SORCS2: variants seen among roughly 807,000 people sequenced by gnomAD.
The protein encoded by SORCS2 is VPS10 domain-containing receptor SorCS2.
Under a neutral mutation model 141.6 loss-of-function variants are expected in SORCS2, and 100 were observed. That is an observed-to-expected ratio of 0.71 (90% CI 0.60 to 0.83). The LOEUF (loss-of-function observed/expected upper bound fraction) is 0.83, where lower values mean the gene tolerates loss of function less well. Ranked by LOEUF, SORCS2 falls within the 40% of genes least tolerant of loss-of-function variation. The pLI is 0.00. For synonymous variants in SORCS2, 789 were observed against 676.9 expected (o/e 1.17, Z -2.57); for missense variants, 1,646 against 1,560.2 (o/e 1.05, Z -0.93).
intron 3 of SORCS2, among the ~76,000 whole-genome samples, chr4:7,569,086 C>T (rs1458056629): frequency 6.6e-6 from 1 of 152,222 alleles, no homozygotes; most frequent in African/African-American, 2.4e-5. Context: ...GCTCTGGAAG[C>T]TGCTTCCATT....
chr4:7,257,353 A>G (rs1159139638), intron 1 of SORCS2, among the ~76,000 whole-genome samples: 2 of 59,650 alleles, frequency 3.4e-5, no homozygotes, highest in African/African-American at 1.4e-4. Context: ...GTGTGAGGGC[A>G]GGGAGACCCA....
chr4:7,343,504 G>C (rs536938691), intron 1 of SORCS2, among the ~76,000 whole-genome samples: 6 of 152,332 alleles, frequency 3.9e-5, no homozygotes, highest in Non-Finnish European at 7.3e-5. Flanking sequence ...GCTTTGATGA[G>C]TGGATCTCCC....
intron 1 of SORCS2, among the ~76,000 whole-genome samples, chr4:7,245,351 G>A (rs918846798): frequency 6.6e-6 from 1 of 152,250 alleles, no homozygotes; most frequent in Non-Finnish European, 1.5e-5. Context: ...GCTGCACACC[G>A]GAGGTGGCCT....
chr4:7,234,144 G>T (rs1340572335), intron 1 of SORCS2, among the ~76,000 whole-genome samples: 1 of 152,182 alleles, frequency 6.6e-6, no homozygotes, highest in Non-Finnish European at 1.5e-5. Context: ...TGGGATTTGG[G>T]CTGTCATCAC....
chr4:7,431,103 C>A (rs1237525090), intron 2 of SORCS2: 1 of 152,356 alleles, frequency 6.6e-6, no homozygotes, highest in Non-Finnish European at 1.5e-5. Context: ...TCAGAGGGCC[C>A]CTATGGGGGT....
chr4:7,447,316 C>A (rs937519048), intron 2 of SORCS2, among the ~76,000 whole-genome samples: 2 of 152,142 alleles, frequency 1.3e-5, no homozygotes, highest in African/African-American at 4.8e-5. Flanking sequence ...CTTCTGCCTC[C>A]GTGCCTTGCC....
At chr4:7,570,742 C>T (rs1392938346) in intron 3 of SORCS2, among the ~76,000 whole-genome samples, 2 of 152,168 alleles carry the variant, frequency 1.3e-5, no homozygotes, top group African/African-American at 4.8e-5. Flanking sequence ...CAAGCCTTTT[C>T]ATCTCCAGGA....
chr4:7,387,846 GCA>G (rs1211784178), intron 1 of SORCS2, among the ~76,000 whole-genome samples: 2 of 137,046 alleles, frequency 1.5e-5, no homozygotes, highest in Non-Finnish European at 3.2e-5. Context: ...ACATACACAT[GCA>G]CACACATACA....
intron 4 of SORCS2, among the ~76,000 whole-genome samples, chr4:7,644,534 T>G (rs1720945280): frequency 6.6e-6 from 1 of 152,246 alleles, no homozygotes; most frequent in Non-Finnish European, 1.5e-5. Flanking sequence ...GTCCAAGTGA[T>G]GCTGGGCTGC....
Position 7,208,370 on chromosome 4 carries a change from C to T in SORCS2, c.480+15244C>T, listed in dbSNP as rs1005675669. Among the ~76,000 whole-genome samples the T allele has an allele frequency of 7.9e-5, 12 of 152,144 alleles. 1 individual carries two copies. The highest frequency in any genetic ancestry group is 1.6e-4 in the Non-Finnish European group (11 of 68,012). ...TCTGGTGGGCACTGTGTGCTGAAGA[C>T]TTTGGGGATTACTGGCAGGCAGGGG... is the stretch of plus-strand genomic sequence containing the variant. On this transcript the variant is annotated intron_variant, in intron 1 of 26. Transcript: ENST00000507866.
rs150055977 is a variant in SORCS2 at position 7,638,471 on chromosome 4, C to A, written c.792C>A (p.Leu264=). ...IFHPKEEDKV[L]AYTKESKLYV... ...ACCCTAAGGAGGAGGACAAGGTCCTCGCCTACACAAAGGAGAGCAAGGTAA... is the reference window on the plus strand; with the variant it reads ...ACCCTAAGGAGGAGGACAAGGTCCTAGCCTACACAAAGGAGAGCAAGGTAA... The change falls in exon 4 of 27, where the codon CTC becomes CTA. Residue 264 remains leucine (L), a synonymous_variant. Transcript: ENST00000507866. The A allele has an allele frequency of 2.5e-6, 4 of 1,609,062 alleles. No homozygotes were observed. The highest frequency in any genetic ancestry group is 3.4e-6 in the Non-Finnish European group (4 of 1,177,966).
At chr4:7,319,722 CA>C (rs1400841520) in intron 1 of SORCS2, among the ~76,000 whole-genome samples, 1 of 152,008 alleles carries the variant, frequency 6.6e-6, no homozygotes, top group African/African-American at 2.4e-5. Context: ...TCTAAAAAAA[CA>C]AAAAACACAT....
chr4:7,556,458 C>A (rs1714112903), intron 3 of SORCS2, among the ~76,000 whole-genome samples: 4 of 151,860 alleles, frequency 2.6e-5, no homozygotes, highest in African/African-American at 7.3e-5. Context: ...ATATGGGGAG[C>A]AAAAAGAGAA....
chr4:7,440,351 CAG>C (rs1407082087), intron 2 of SORCS2, among the ~76,000 whole-genome samples: 27 of 152,348 alleles, frequency 1.8e-4, no homozygotes, highest in Admixed American at 3.3e-4. Flanking sequence ...AGCCATCTTT[CAG>C]AGAGTGTAAG....
chr4:7,204,114 G>T (rs1279038624), intron 1 of SORCS2, among the ~76,000 whole-genome samples: 1 of 152,212 alleles, frequency 6.6e-6, no homozygotes, highest in Non-Finnish European at 1.5e-5. Flanking sequence ...GAATTAGGCT[G>T]CTGTGAACAT....
intron 1 of SORCS2, among the ~76,000 whole-genome samples, chr4:7,297,527 C>T (rs774613841): frequency 2.0e-5 from 3 of 152,156 alleles, no homozygotes; most frequent in Non-Finnish European, 2.9e-5. Flanking sequence ...CCATGCCCTG[C>T]CCCCTGCTGA....
Position 7,724,916 on chromosome 4 carries a change from GGA to G in SORCS2, c.2612-237_2612-236del, listed in dbSNP as rs1727077732. Reference sequence around the variant, plus strand: ...GGTGATGGTGGTGATAGTATTGGTGGGAATGGATGGTGGTAGTAGTGGTGATG... The same window carrying G: ...GGTGATGGTGGTGATAGTATTGGTGGATGGATGGTGGTAGTAGTGGTGATG... On this transcript the variant is annotated intron_variant, in intron 19 of 26. Coordinates refer to ENST00000507866, the MANE Select transcript of SORCS2 (RefSeq NM_020777.3). 1.3e-3 allele frequency among the ~76,000 whole-genome samples: 60 copies of G among 44,734 alleles called. 1 individual carries two copies. The highest frequency in any genetic ancestry group is 4.6e-3 in the East Asian group (6 of 1,300). The allele number at this position is 44,734 out of a possible 152,430, so 29.3% of individuals were successfully genotyped here.
At chr4:7,513,346 T>C (rs1302300561) in intron 2 of SORCS2, among the ~76,000 whole-genome samples, 1 of 152,122 alleles carries the variant, frequency 6.6e-6, no homozygotes, top group Non-Finnish European at 1.5e-5. Flanking sequence ...CCCCCAACCC[T>C]GCAGAGGTGG....
At chr4:7,463,501 G>T (rs1039205934) in intron 2 of SORCS2, among the ~76,000 whole-genome samples, 1 of 152,122 alleles carries the variant, frequency 6.6e-6, no homozygotes, top group African/African-American at 2.4e-5. Context: ...AATCCCTGGG[G>T]GTGGGGGCGC....
Sources: allele counts gnomAD v4.1 joint callset (sites outside exome capture counted in the v4.1 genomes callset), GRCh38; gene constraint gnomAD v4.1.1; transcripts MANE v1.5; gene names NCBI Gene and HGNC (gene_info 2026-07-23, HGNC 2026-07-21).